Variants in ASTN2 observed in about 807,000 individuals in gnomAD.
The protein encoded by ASTN2 is astrotactin 2.
A neutral mutation model predicts 139.8 loss-of-function variants in ASTN2; 54 were observed. The observed-to-expected ratio is 0.39, with a 90% CI of 0.31 to 0.48. The LOEUF is 0.48. Ranked by LOEUF, ASTN2 falls within the 20% of genes least tolerant of loss-of-function variation. ASTN2 has a pLI of 0.95. For synonymous variants in ASTN2, 756 were observed against 719.5 expected, an observed-to-expected ratio of 1.05 and a Z score of -0.81; for missense variants, 1,565 against 1,725.1, an observed-to-expected ratio of 0.91 and a Z score of 1.64.
At chr9:117,389,834 T>A (rs921478119) in intron 1 of ASTN2, among the ~76,000 whole-genome samples, 1 of 150,258 alleles carries the variant, frequency 6.7e-6, no homozygotes, top group East Asian at 2.0e-4. Context: ...GATACCCAAA[T>A]GCAATGTGGC....
intron 3 of ASTN2, among the ~76,000 whole-genome samples, chr9:117,188,578 GGGAAC>G (rs1831267449): frequency 6.6e-6 from 1 of 152,066 alleles, no homozygotes; most frequent in Non-Finnish European, 1.5e-5. Flanking sequence ...CATCGTAGCT[GGGAAC>G]TCTTCAGAAA....
At chr9:117,252,659 C>A (rs2133093561) in intron 2 of ASTN2, among the ~76,000 whole-genome samples, 1 of 152,304 alleles carries the variant, frequency 6.6e-6, no homozygotes, top group Non-Finnish European at 1.5e-5. Flanking sequence ...ATTTAATCAG[C>A]AATTCTATGA....
At chr9:117,224,221 T>C (rs1222921358) in intron 2 of ASTN2, among the ~76,000 whole-genome samples, 1 of 152,266 alleles carries the variant, frequency 6.6e-6, no homozygotes, top group African/African-American at 2.4e-5. Context: ...GTTTGACTTA[T>C]ATGGCTTTGG....
intron 13 of ASTN2, among the ~76,000 whole-genome samples, chr9:116,781,607 CTGT>C (rs1340491655): frequency 3.3e-5 from 5 of 152,106 alleles, no homozygotes; most frequent in Non-Finnish European, 5.9e-5. Flanking sequence ...TTAATTAGAA[CTGT>C]TATTAGTCTG....
At chr9:116,999,823 G>T (rs544388997) in intron 7 of ASTN2, among the ~76,000 whole-genome samples, 25 of 152,058 alleles carry the variant, frequency 1.6e-4, no homozygotes, top group African/African-American at 5.3e-4. Flanking sequence ...GCGTCCCAAA[G>T]TTCTGGGATT....
intron 10 of ASTN2, among the ~76,000 whole-genome samples, chr9:116,900,639 A>G (rs905524710): frequency 1.3e-5 from 2 of 152,232 alleles, no homozygotes; most frequent in Admixed American, 6.5e-5. Flanking sequence ...CAGCACACAC[A>G]GAATGGAGGC....
At chr9:117,235,002 G>C (rs1833003799) in intron 2 of ASTN2, among the ~76,000 whole-genome samples, 1 of 152,234 alleles carries the variant, frequency 6.6e-6, no homozygotes, top group East Asian at 1.9e-4. Context: ...GGGAGGCTGA[G>C]GCAGGTGGAT....
At chr9:116,541,275 G>T (rs1010762743) in intron 19 of ASTN2, among the ~76,000 whole-genome samples, 4 of 152,082 alleles carry the variant, frequency 2.6e-5, no homozygotes, top group Non-Finnish European at 5.9e-5. Context: ...ATATAAATCT[G>T]CCAGATCTAA....
intron 3 of ASTN2, among the ~76,000 whole-genome samples, chr9:117,186,374 G>A (rs528676034): frequency 1.4e-4 from 16 of 114,484 alleles, no homozygotes; most frequent in South Asian, 3.1e-4. Flanking sequence ...GTGAAAACCC[G>A]TCTCTACTAA....
chr9:116,843,118 T>C (rs532425419), intron 11 of ASTN2, among the ~76,000 whole-genome samples: 2 of 152,296 alleles, frequency 1.3e-5, no homozygotes, highest in African/African-American at 2.4e-5. Flanking sequence ...TAAATCGTTC[T>C]ACCAAAAAGA....
intron 13 of ASTN2, among the ~76,000 whole-genome samples, chr9:116,775,912 T>C (rs1355715453): frequency 1.3e-5 from 2 of 151,986 alleles, no homozygotes; most frequent in Non-Finnish European, 2.9e-5. Context: ...GGAGGACAAA[T>C]CAGGGAATCC....
At chr9:117,372,923 T>C (rs900669208) in intron 1 of ASTN2, among the ~76,000 whole-genome samples, 2 of 152,108 alleles carry the variant, frequency 1.3e-5, no homozygotes, top group Admixed American at 1.3e-4. Context: ...TTCTACTTGA[T>C]TCTCGTGGTT....
intron 10 of ASTN2, among the ~76,000 whole-genome samples, chr9:116,864,772 T>C (rs1251147113): frequency 3.9e-5 from 6 of 152,140 alleles, no homozygotes; most frequent in Admixed American, 6.5e-5. Flanking sequence ...AGGGGGTGTC[T>C]CTGCACCATC....
intron 2 of ASTN2, among the ~76,000 whole-genome samples, chr9:117,226,634 T>TA (rs1468762703): frequency 2.0e-5 from 3 of 152,086 alleles, no homozygotes; most frequent in Non-Finnish European, 2.9e-5. Context: ...AGGGTGGCCA[T>TA]AGCAAGCAAA....
intron 4 of ASTN2, among the ~76,000 whole-genome samples, chr9:117,137,603 AC>A (rs1249164268): frequency 6.6e-6 from 1 of 152,180 alleles, no homozygotes; most frequent in Non-Finnish European, 1.5e-5. Context: ...ATTGAGTTAA[AC>A]AAAGCAGCCT....
chr9:117,016,813 T>TATATATATATATATA (rs1837726895), intron 6 of ASTN2, among the ~76,000 whole-genome samples: 1 of 92,570 alleles, frequency 1.1e-5, no homozygotes, highest in African/African-American at 3.2e-5. Context: ...TATATATGTT[T>TATATATATATATATA]TATATATATA....
chr9:116,618,800 A>G (rs1412241239), intron 18 of ASTN2, among the ~76,000 whole-genome samples: 1 of 152,182 alleles, frequency 6.6e-6, no homozygotes, highest in Non-Finnish European at 1.5e-5. Flanking sequence ...TTCACTTTCA[A>G]TTAAATTGGC....
At chr9:117,250,132 A>ACACACACC (rs1833497687) in intron 2 of ASTN2, among the ~76,000 whole-genome samples, 1 of 152,168 alleles carries the variant, frequency 6.6e-6, no homozygotes, top group African/African-American at 2.4e-5. Context: ...TCATTTCAAC[A>ACACACACC]CACACACCCA....
intron 2 of ASTN2, among the ~76,000 whole-genome samples, chr9:117,225,535 G>GTGTATATATATATATATATATATATA (rs372269409): frequency 6.3e-5 from 4 of 63,962 alleles, no homozygotes; most frequent in African/African-American, 1.7e-4. Context: ...CAAGCTGTAT[G>GTGTATATATATATATATATATATATA]TATATATATA....
Sources: allele counts gnomAD v4.1 joint callset (sites outside exome capture counted in the v4.1 genomes callset), GRCh38; gene constraint gnomAD v4.1.1; transcripts MANE v1.5; gene names NCBI Gene and HGNC (gene_info 2026-07-23, HGNC 2026-07-21).